Variants in ZNF385B observed in about 807,000 individuals in gnomAD.
ZNF385B encodes the protein zinc finger protein 533.
A neutral mutation model predicts 39.2 loss-of-function variants in ZNF385B; 23 were observed. That is an observed-to-expected ratio of 0.59 (90% CI 0.42 to 0.83). The LOEUF (loss-of-function observed/expected upper bound fraction) is 0.83. Ranked by LOEUF, ZNF385B falls within the 40% of genes least tolerant of loss-of-function variation. ZNF385B has a pLI of 0.00. For synonymous variants in ZNF385B, 205 were observed against 222.6 expected (o/e 0.92, Z 0.70); for missense variants, 552 against 598.9 (o/e 0.92, Z 0.82).
chr2:179,637,820 GA>G (rs926553792), intron 3 of ZNF385B, among the ~76,000 whole-genome samples: 2 of 152,232 alleles, frequency 1.3e-5, no homozygotes, highest in Middle Eastern at 3.4e-3. Flanking sequence ...TAGTATGCTT[GA>G]AAAAACTCTT....
At chr2:179,546,620 T>C (rs2060249878) in intron 3 of ZNF385B, among the ~76,000 whole-genome samples, 1 of 152,200 alleles carries the variant, frequency 6.6e-6, no homozygotes, top group Non-Finnish European at 1.5e-5. Flanking sequence ...TTTCCATTCA[T>C]CTGTTGATGG....
At chr2:179,860,030 C>T (rs1283934035) in intron 1 of ZNF385B, among the ~76,000 whole-genome samples, 2 of 152,180 alleles carry the variant, frequency 1.3e-5, no homozygotes, top group East Asian at 3.8e-4. Context: ...TGTGTGGACG[C>T]TGCCAGTTTC....
chr2:179,715,438 G>A (rs1338488955), intron 3 of ZNF385B, among the ~76,000 whole-genome samples: 1 of 152,156 alleles, frequency 6.6e-6, no homozygotes, highest in Non-Finnish European at 1.5e-5. Flanking sequence ...AAGTGTGTTT[G>A]CATGAGGATT....
intron 3 of ZNF385B, among the ~76,000 whole-genome samples, chr2:179,583,478 C>T (rs1291871456): frequency 6.6e-6 from 1 of 152,082 alleles, no homozygotes; most frequent in Non-Finnish European, 1.5e-5. Context: ...ATGTAATCAT[C>T]AAAACAACTC....
chr2:179,704,953 T>G (rs1353688461), intron 3 of ZNF385B, among the ~76,000 whole-genome samples: 1 of 152,198 alleles, frequency 6.6e-6, no homozygotes, highest in Non-Finnish European at 1.5e-5. Flanking sequence ...GTCACCTCCA[T>G]ACAGAAGCAC....
chr2:179,496,796 C>T (rs2056263277), intron 5 of ZNF385B, among the ~76,000 whole-genome samples: 1 of 152,214 alleles, frequency 6.6e-6, no homozygotes, highest in African/African-American at 2.4e-5. Context: ...TGCCTGTAAT[C>T]TCAGCACTTT....
At chr2:179,583,906 T>C (rs1197158102) in intron 3 of ZNF385B, 6 of 1,303,438 alleles carry the variant, frequency 4.6e-6, no homozygotes, top group Non-Finnish European at 6.1e-6. Context: ...ATTTTCTCTC[T>C]GGGCCAGAAT....
chr2:179,469,988 AAG>A (rs1227798510), intron 6 of ZNF385B, among the ~76,000 whole-genome samples: 1 of 152,128 alleles, frequency 6.6e-6, no homozygotes, highest in Non-Finnish European at 1.5e-5. Context: ...GGACTGCTGG[AAG>A]AGATTCCTTT....
chr2:179,708,919 T>C (rs989360807), intron 3 of ZNF385B, among the ~76,000 whole-genome samples: 5 of 152,164 alleles, frequency 3.3e-5, no homozygotes, highest in African/African-American at 1.2e-4. Context: ...TGGAGAACAA[T>C]AGTAGATTAC....
chr2:179,742,333 TTTCTAGGCCA>T lies in ZNF385B; in HGVS notation c.298+27160_298+27169del, dbSNP rs533173890. Among the ~76,000 whole-genome samples the T allele has an allele frequency of 1.1e-3, 161 of 152,152 alleles. 1 individual carries two copies. Among genetic ancestry groups the T allele is most frequent in the South Asian group, 9.9e-3 (48 of 4,826 alleles). ...CCATTTTGGCACTGGTAAAACCAAT[TTTCTAGGCCA>T]TTACTGGAGACTCACTTTTTTATTT... On this transcript the variant is annotated intron_variant, in intron 3 of 9. Coordinates refer to ENST00000410066, the MANE Select transcript of ZNF385B (RefSeq NM_152520.6).
chr2:179,451,819 C>T (rs2050185509), intron 6 of ZNF385B, among the ~76,000 whole-genome samples: 2 of 152,016 alleles, frequency 1.3e-5, no homozygotes, highest in Non-Finnish European at 2.9e-5. Context: ...ATCTTAATTG[C>T]TTGATATTTT....
chr2:179,700,870 C>T (rs7557455), intron 3 of ZNF385B, among the ~76,000 whole-genome samples: 65,394 of 151,926 alleles, frequency 0.43, 15,353 homozygotes, highest in South Asian at 0.57. Context: ...AAAAATTAGT[C>T]GCACATGGTG....
At chr2:179,519,033 T>C (rs2058295196) in intron 4 of ZNF385B, among the ~76,000 whole-genome samples, 1 of 152,198 alleles carries the variant, frequency 6.6e-6, no homozygotes, top group African/African-American at 2.4e-5. Context: ...CAAGCTGGAA[T>C]GCAGTGGCGT....
chr2:179,719,273 G>A (rs1042499195), intron 3 of ZNF385B, among the ~76,000 whole-genome samples: 1 of 152,028 alleles, frequency 6.6e-6, no homozygotes, highest in Non-Finnish European at 1.5e-5. Context: ...TGCATGAGCC[G>A]ACCAAGCTGG....
chr2:179,696,326 C>CTTTTTTTTT (rs71029828), intron 3 of ZNF385B, among the ~76,000 whole-genome samples: 1,121 of 40,328 alleles, frequency 0.028, 447 homozygotes, highest in Admixed American at 0.032. Context: ...CAAACTGGGA[C>CTTTTTTTTT]TTTTTTTTTT....
At chr2:179,783,540 C>T (rs1355098625) in intron 1 of ZNF385B, among the ~76,000 whole-genome samples, 1 of 152,102 alleles carries the variant, frequency 6.6e-6, no homozygotes, top group East Asian at 1.9e-4. Flanking sequence ...ACAGAGTAAA[C>T]AGACAACCTA....
intron 3 of ZNF385B, among the ~76,000 whole-genome samples, chr2:179,752,650 C>A (rs1702750934): frequency 1.3e-5 from 2 of 152,136 alleles, no homozygotes; most frequent in Admixed American, 1.3e-4. Context: ...GATGGTATCT[C>A]ATTGTGGTTT....
intron 3 of ZNF385B, among the ~76,000 whole-genome samples, chr2:179,554,358 A>G (rs949470128): frequency 6.7e-6 from 1 of 149,430 alleles, no homozygotes; most frequent in African/African-American, 2.5e-5. Context: ...ATCTCTTAAG[A>G]TAAACTTTGA....
At chr2:179,518,309 T>C (rs532309495) in intron 5 of ZNF385B, among the ~76,000 whole-genome samples, 9 of 152,348 alleles carry the variant, frequency 5.9e-5, no homozygotes, top group Admixed American at 1.3e-4. Context: ...GTTGAATCCA[T>C]GGATATGGAC....
Sources: gnomAD v4.1 joint callset for allele counts (sites outside exome capture counted in the v4.1 genomes callset) on GRCh38, gnomAD v4.1.1 for gene constraint, MANE v1.5 for transcripts, NCBI Gene and HGNC (gene_info 2026-07-23, HGNC 2026-07-21) for gene names.